STAT5B: variants seen among roughly 807,000 people sequenced by gnomAD.
STAT5B encodes transcription factor STAT5B.
STAT5B carries 21 observed loss-of-function variants against 107.8 expected under a neutral mutation model. The observed-to-expected ratio is 0.19, with a 90% CI of 0.14 to 0.28. The LOEUF (loss-of-function observed/expected upper bound fraction) is 0.28, where lower values mean the gene tolerates loss of function less well. Among genes scored for constraint, STAT5B ranks in the 10% least tolerant of loss-of-function variants. The pLI, the probability that STAT5B is intolerant of heterozygous loss-of-function variation, is 1.00. For synonymous variants in STAT5B, 325 were observed against 401.7 expected (o/e 0.81, Z 2.28); for missense variants, 565 against 1,008.2 (o/e 0.56, Z 5.95).
intron 16 of STAT5B, among the ~76,000 whole-genome samples, chr17:42,206,527 G>T (rs1339128024): frequency 6.6e-6 from 1 of 152,192 alleles, no homozygotes; most frequent in Non-Finnish European, 1.5e-5. Flanking sequence ...CATCCATAGA[G>T]GTTAATCTCT....
intron 2 of STAT5B, among the ~76,000 whole-genome samples, chr17:42,228,332 T>C (rs1420270010): frequency 6.6e-6 from 1 of 152,210 alleles, no homozygotes; most frequent in Non-Finnish European, 1.5e-5. Context: ...AGACTTTGCA[T>C]TGATTTCAAG....
At chr17:42,215,952 T>C (rs1271257707) in intron 12 of STAT5B, 62 bp downstream of exon 12, 1 of 1,551,370 alleles carries the variant, frequency 6.4e-7, no homozygotes. Context: ...GGATAATACA[T>C]AAATGAGATT....
At chr17:42,218,089 T>G (rs1043316515) in intron 9 of STAT5B, 62 bp downstream of exon 9, 2 of 1,576,064 alleles carry the variant, frequency 1.3e-6, no homozygotes, top group African/African-American at 2.7e-5. Flanking sequence ...GCAGAATTCT[T>G]TTTTTCCTGT....
Position 42,219,767 on chromosome 17 carries a change from A to G in STAT5B, c.626T>C (p.Val209Ala), listed in dbSNP as rs1431009561. 2 of 1,611,928 alleles carry G rather than the reference A, an allele frequency of 1.2e-6. No homozygotes were observed. Among genetic ancestry groups the G allele is most frequent in the African/African-American group, 2.7e-5 (2 of 74,504 alleles). ...SRETALQQKQ[V>A]SLEAWLQREA... is the part of the protein sequence containing the mutation. ...ACGCTGCAACCAGGCCTCCAGAGAC[A>G]CCTGCTTCTGCTGGAGGGCCGTCTC... The change falls in exon 6 of 19, where the codon GTG becomes GCG. Residue 209 changes from valine to alanine, a missense_variant. By Grantham distance (64) the Val-to-Ala change is moderately conservative. Around this residue, in one of 11 missense-constraint regions of STAT5B, gnomAD observed 56 missense variants for 104.5 expected, o/e 0.54. Transcript: ENST00000293328.
At chr17:42,239,903 A>T (rs1394922463) in intron 1 of STAT5B, among the ~76,000 whole-genome samples, 2 of 152,230 alleles carry the variant, frequency 1.3e-5, no homozygotes, top group Non-Finnish European at 2.9e-5. Context: ...AGGCGGGTGG[A>T]TCACCTGAGG....
At chr17:42,223,952 T>C (rs2144269038) in intron 4 of STAT5B, among the ~76,000 whole-genome samples, 1 of 152,232 alleles carries the variant, frequency 6.6e-6, no homozygotes, top group South Asian at 2.1e-4. Context: ...GCATTAAGCA[T>C]TAGGGAGGCC....
At chr17:42,272,760 T>C (rs1293714480) in intron 1 of STAT5B, 10 of 151,818 alleles carry the variant, frequency 6.6e-5, no homozygotes, top group Admixed American at 5.9e-4. Flanking sequence ...AATATTACCA[T>C]TTAAAAAAAA....
the STAT5B span, among the ~76,000 whole-genome samples, chr17:42,283,496 G>A: frequency 3.3e-5 from 5 of 152,208 alleles, no homozygotes; most frequent in Admixed American, 3.3e-4. Flanking sequence ...CTGGGCAGAG[G>A]AAGCAGGACT....
intron 3 of STAT5B, among the ~76,000 whole-genome samples, chr17:42,227,129 C>T (rs1432356030): frequency 8.5e-5 from 1 of 11,740 alleles, no homozygotes; most frequent in Non-Finnish European, 2.2e-4. Flanking sequence ...AGCAAGACTC[C>T]GTCTCAAAAA....
the STAT5B span, among the ~76,000 whole-genome samples, chr17:42,284,386 C>T: frequency 3.3e-5 from 5 of 152,198 alleles, no homozygotes; most frequent in East Asian, 7.7e-4. Flanking sequence ...CCTGCCTCAG[C>T]GTACTGAGTA....
At chr17:42,278,192 C>T (rs2080779509), upstream of STAT5B, among the ~76,000 whole-genome samples, 1 of 152,164 alleles carries the variant, frequency 6.6e-6, no homozygotes, top group Non-Finnish European at 1.5e-5. Flanking sequence ...TTTCCCACCG[C>T]GTTATTCATG....
intron 1 of STAT5B, among the ~76,000 whole-genome samples, chr17:42,253,107 CCTTTCTTTCTTT>C (rs3048166): frequency 1.1e-4 from 17 of 148,540 alleles, no homozygotes; most frequent in African/African-American, 2.6e-4. Flanking sequence ...AGACGTTGAA[CCTTTCTTTCTTT>C]CTTTCTTTCT....
intron 1 of STAT5B, among the ~76,000 whole-genome samples, chr17:42,253,410 T>C (rs924720939): frequency 2.0e-5 from 3 of 152,124 alleles, no homozygotes; most frequent in Admixed American, 6.6e-5. Context: ...TAAAAGCATA[T>C]TGAACTCAAA....
At chr17:42,211,091 C>A (rs561608858) in intron 13 of STAT5B, among the ~76,000 whole-genome samples, 1 of 152,014 alleles carries the variant, frequency 6.6e-6, no homozygotes, top group East Asian at 1.9e-4. Flanking sequence ...ATCCCGGCTA[C>A]TCAGGAGGCT....
At chr17:42,279,968 A>T (rs532208017), upstream of STAT5B, among the ~76,000 whole-genome samples, 3 of 152,142 alleles carry the variant, frequency 2.0e-5, no homozygotes, top group African/African-American at 4.8e-5. Flanking sequence ...TCAGCAAAAC[A>T]GAATGTTGTC....
chr17:42,214,126 G>C (rs1433114911), intron 12 of STAT5B: 1 of 815,250 alleles, frequency 1.2e-6, no homozygotes. Flanking sequence ...CTGGGTGACA[G>C]AGCAAGACTC....
intron 1 of STAT5B, among the ~76,000 whole-genome samples, chr17:42,262,976 A>ATG (rs2080627647): frequency 3.4e-5 from 1 of 29,398 alleles, no homozygotes; most frequent in Non-Finnish European, 5.8e-5. Flanking sequence ...GTGTGTATAT[A>ATG]TATATATATA....
chr17:42,229,763 C>T (rs1030670259), intron 2 of STAT5B, among the ~76,000 whole-genome samples: 7 of 151,124 alleles, frequency 4.6e-5, no homozygotes, highest in Admixed American at 1.3e-4. Flanking sequence ...CCCAGCTACT[C>T]GGGAAGCTGA....
intron 16 of STAT5B, among the ~76,000 whole-genome samples, chr17:42,206,450 T>G (rs927656462): frequency 3.3e-5 from 5 of 152,066 alleles, no homozygotes; most frequent in African/African-American, 1.2e-4. Context: ...ACACAGGAAG[T>G]TCAAGCAACG....
Sources: gnomAD v4.1 joint callset for allele counts (sites outside exome capture counted in the v4.1 genomes callset) on GRCh38, gnomAD v4.1.1 for gene constraint, gnomAD v4.1.1 regional missense constraint, MANE v1.5 for transcripts, NCBI Gene and HGNC (gene_info 2026-07-23, HGNC 2026-07-21) for gene names.